Variants in ME3 observed in about 807,000 individuals in gnomAD.
ME3 encodes malic enzyme 3, also known as NADP-dependent malic enzyme, mitochondrial.
A neutral mutation model predicts 68.9 loss-of-function variants in ME3; 48 were observed. That is an observed-to-expected ratio of 0.70 (90% confidence interval 0.55 to 0.89). ME3 has a LOEUF of 0.89. Among genes scored for constraint, ME3 ranks in the 40% least tolerant of loss-of-function variants. The pLI, the probability that ME3 is intolerant of heterozygous loss-of-function variation, is 0.00. For missense variants in ME3, 675 were observed against 797.4 expected, an observed-to-expected ratio of 0.85 and a Z score of 1.85; for synonymous variants, 320 against 318.8, an observed-to-expected ratio of 1.00 and a Z score of -0.04.
intron 3 of ME3, among the ~76,000 whole-genome samples, chr11:86,557,890 C>T (rs1406128675): frequency 1.3e-5 from 2 of 152,150 alleles, no homozygotes; most frequent in African/African-American, 2.4e-5. Context: ...TTTCCTATCC[C>T]GCCCCTCACC....
intron 2 of ME3, among the ~76,000 whole-genome samples, chr11:86,669,304 ATGT>A (rs1356534889): frequency 1.3e-5 from 2 of 152,328 alleles, no homozygotes; most frequent in Middle Eastern, 3.4e-3. Context: ...TATATAAAAG[ATGT>A]TGTTTAACAT....
intron 4 of ME3, among the ~76,000 whole-genome samples, chr11:86,552,960 A>G (rs897982727): frequency 2.6e-5 from 4 of 152,050 alleles, no homozygotes; most frequent in Admixed American, 1.3e-4. Flanking sequence ...TGGACCCCAT[A>G]TGGCTTCCTC....
chr11:86,451,214 A>G (rs1462154539), intron 8 of ME3, among the ~76,000 whole-genome samples: 2 of 152,188 alleles, frequency 1.3e-5, no homozygotes, highest in Non-Finnish European at 2.9e-5. Context: ...AGCAGTTGCT[A>G]ATGGTTTAGC....
chr11:86,461,768 C>G (rs1950234395), intron 8 of ME3, among the ~76,000 whole-genome samples: 1 of 152,090 alleles, frequency 6.6e-6, no homozygotes, highest in African/African-American at 2.4e-5. Flanking sequence ...CTCCTGCCCA[C>G]CTCTTTATGG....
rs886261744 is a variant in ME3 at position 86,552,712 on chromosome 11, G to A, written c.467+3841C>T. Among the ~76,000 whole-genome samples the A allele has an allele frequency of 7.9e-5, 12 of 152,150 alleles. 1 individual carries two copies. Among genetic ancestry groups the A allele is most frequent in the African/African-American group, 1.2e-4 (5 of 41,494 alleles). On this transcript the variant is annotated intron_variant, in intron 4 of 14. Coordinates refer to ENST00000543262, the Ensembl canonical transcript of ME3. ...CCTCTGCCATAGTTCAAAATCTATC[G>A]TAGTCCTCTGCCCTCCAGCTCCTGA... is the stretch of plus-strand genomic sequence containing the variant.
intron 6 of ME3, among the ~76,000 whole-genome samples, chr11:86,492,795 C>A (rs1386481347): frequency 6.6e-6 from 1 of 152,252 alleles, no homozygotes; most frequent in Non-Finnish European, 1.5e-5. Context: ...GTTTCCTCCT[C>A]TTCACTGCCC....
intron 8 of ME3, among the ~76,000 whole-genome samples, chr11:86,459,609 G>T (rs913349594): frequency 2.0e-5 from 3 of 152,178 alleles, no homozygotes; most frequent in Non-Finnish European, 4.4e-5. Context: ...CATTCTGGTG[G>T]TACTAGCTGA....
chr11:86,617,772 A>G (rs1299786974), intron 2 of ME3, among the ~76,000 whole-genome samples: 1 of 152,206 alleles, frequency 6.6e-6, no homozygotes, highest in Non-Finnish European at 1.5e-5. Context: ...AAGGATAAAG[A>G]AAAATATACT....
chr11:86,597,495 A>G (rs1959703030), intron 2 of ME3, among the ~76,000 whole-genome samples: 1 of 152,228 alleles, frequency 6.6e-6, no homozygotes, highest in Admixed American at 6.5e-5. Context: ...GAGAAACACT[A>G]GAAGTCTTTG....
intron 7 of ME3, among the ~76,000 whole-genome samples, chr11:86,482,718 A>G (rs2138890041): frequency 6.6e-6 from 1 of 151,952 alleles, no homozygotes; most frequent in South Asian, 2.1e-4. Flanking sequence ...ACTATCATGT[A>G]AAACGTTCAG....
At chr11:86,553,362 A>T (rs2139426488) in intron 4 of ME3, among the ~76,000 whole-genome samples, 1 of 152,324 alleles carries the variant, frequency 6.6e-6, no homozygotes, top group African/African-American at 2.4e-5. Context: ...AGGAGTGTTT[A>T]TCGTTTCAGA....
intron 5 of ME3, among the ~76,000 whole-genome samples, chr11:86,504,578 G>T (rs530601428): frequency 6.6e-6 from 1 of 151,860 alleles, no homozygotes; most frequent in African/African-American, 2.4e-5. Context: ...ATTTTTAGAA[G>T]AGACGGGGTT....
At chr11:86,625,279 T>C (rs950269819) in intron 2 of ME3, among the ~76,000 whole-genome samples, 4 of 151,386 alleles carry the variant, frequency 2.6e-5, no homozygotes, top group Non-Finnish European at 5.9e-5. Context: ...AGTTACAGAG[T>C]ACAGGGATTG....
chr11:86,540,592 A>G (rs1383917987), intron 4 of ME3, among the ~76,000 whole-genome samples: 1 of 152,228 alleles, frequency 6.6e-6, no homozygotes. Flanking sequence ...TTAAGAGTCT[A>G]TAAGAAATCA....
intron 4 of ME3, among the ~76,000 whole-genome samples, chr11:86,548,863 C>A (rs958182576): frequency 2.0e-5 from 3 of 152,158 alleles, no homozygotes; most frequent in Non-Finnish European, 4.4e-5. Context: ...TACAGTGGGC[C>A]GTGGAAATGT....
intron 8 of ME3, chr11:86,462,771 C>A (rs1313425671): frequency 6.5e-6 from 3 of 458,186 alleles, no homozygotes; most frequent in Non-Finnish European, 8.6e-6. Flanking sequence ...TTTTGGGGTA[C>A]AATGAAGTAA....
chr11:86,482,983 A>G (rs1325830571), intron 7 of ME3, among the ~76,000 whole-genome samples: 1 of 152,230 alleles, frequency 6.6e-6, no homozygotes, highest in African/African-American at 2.4e-5. Flanking sequence ...TTAACACAGC[A>G]AAAGAAACAG....
At chr11:86,565,664 A>C (rs80292033) in intron 2 of ME3, among the ~76,000 whole-genome samples, 8,909 of 152,360 alleles carry the variant, frequency 0.058, 396 homozygotes, top group African/African-American at 0.12. Flanking sequence ...TATGGTATGT[A>C]AATTATATTA....
intron 6 of ME3, among the ~76,000 whole-genome samples, chr11:86,497,535 T>A (rs1236390502): frequency 6.6e-6 from 1 of 152,166 alleles, no homozygotes; most frequent in Non-Finnish European, 1.5e-5. Flanking sequence ...TCTGTCTGAT[T>A]CAGACATTTT....
Sources: gnomAD v4.1 joint callset for allele counts (sites outside exome capture counted in the v4.1 genomes callset) on GRCh38, gnomAD v4.1.1 for gene constraint, MANE v1.5 for transcripts, NCBI Gene and HGNC (gene_info 2026-07-23, HGNC 2026-07-21) for gene names.